Variants in RABGAP1 observed in about 807,000 individuals in gnomAD.
The protein encoded by RABGAP1 is RAB GTPase activating protein 1.
In RABGAP1, 23 loss-of-function variants were observed where a neutral mutation model predicts 137.6. The ratio of observed to expected loss-of-function variants is 0.17; its 90% confidence interval spans 0.12 to 0.24. The LOEUF (loss-of-function observed/expected upper bound fraction) is 0.24, where lower values mean the gene tolerates loss of function less well. Among genes scored for constraint, RABGAP1 ranks in the 10% least tolerant of loss-of-function variants. The pLI is 1.00. For missense variants in RABGAP1, 906 were observed against 1,275.8 expected, an observed-to-expected ratio of 0.71 and a Z score of 4.42; for synonymous variants, 451 against 450.7, an observed-to-expected ratio of 1.00 and a Z score of -0.01.
chr9:123,035,811 T>C (rs1309991819), intron 13 of RABGAP1: 2 of 502,496 alleles, frequency 4.0e-6, no homozygotes, highest in African/African-American at 1.9e-5. Flanking sequence ...CAAAAGTGCT[T>C]GTGAATTAGA....
chr9:122,960,002 G>T (rs530324436), intron 2 of RABGAP1, among the ~76,000 whole-genome samples: 1 of 152,184 alleles, frequency 6.6e-6, no homozygotes, highest in South Asian at 2.1e-4. Context: ...CCTTAAAGCA[G>T]CCTTCTTAAA....
Position 122,990,116 on chromosome 9 carries a change from CT to C in RABGAP1, c.829del (p.Ser277GlnfsTer20). 1.2e-6 allele frequency: 2 copies of C among 1,610,894 alleles called. No individual in the cohort carries two copies. The highest frequency in any genetic ancestry group is 1.3e-5 in the African/African-American group (1 of 74,960). Reference protein sequence around the residue: ...AFRRSAKQTPLSATAAPQTPD... With the variant: ...AFRRSAKQTPXSATAAPQTPD... ...CCGCCGTTCTGCCAAGCAGACCCCA[CT>C]TTCAGCCACTGCTGCACCCCAGACT... is the stretch of plus-strand genomic sequence containing the variant. On this transcript the variant is annotated frameshift_variant, in exon 6 of 26. Coordinates refer to ENST00000373647, the MANE Select transcript of RABGAP1 (RefSeq NM_012197.4). LOFTEE classifies it high-confidence loss of function.
rs559710894 is a variant in RABGAP1, at chr9:123,096,726, G to A, written c.2629-1015G>A. Among the ~76,000 whole-genome samples, 9 of 152,136 alleles carry A rather than the reference G, an allele frequency of 5.9e-5. No homozygotes were observed. The South Asian group carries it at 1.9e-3, about 32-fold the overall frequency. ...TGGGATTACAGGCGCCTGCCACCAC[G>A]CCCGGCTAATTTTTTGTATATTTTT... On this transcript the variant is annotated intron_variant, in intron 21 of 25. Coordinates refer to ENST00000373647, the MANE Select transcript of RABGAP1 (RefSeq NM_012197.4).
At chr9:123,074,544 T>C in intron 17 of RABGAP1, 116 bp downstream of exon 17, 1 of 1,170,844 alleles carries the variant, frequency 8.5e-7, no homozygotes, top group Non-Finnish European at 1.2e-6. Context: ...AATTATTTTA[T>C]TTTATTGCTA....
In RABGAP1 at chr9:123,035,244, C is replaced by T. The variant is rs776720363; in HGVS notation, c.1794+14785C>T. ...GCCAACAGCACACAAAGGATATCAG[C>T]GAAAGGCAAGCCCGCTTCAGCAGCC... is the stretch of plus-strand genomic sequence containing the variant. On this transcript the variant is annotated intron_variant, in intron 13 of 25. Transcript: ENST00000373647. The T allele has an allele frequency of 5.0e-6, 8 of 1,614,160 alleles. No homozygotes were observed. In the East Asian group the frequency reaches 6.7e-5, roughly 13 times the overall value.
chr9:123,051,409 G>C lies in RABGAP1; in HGVS notation c.1795-13939G>C, dbSNP rs142752127. On this transcript the variant is annotated intron_variant, in intron 13 of 25. Transcript: ENST00000373647. ...ATTACAGGCATGTGCCACCACGGCT[G>C]GCTAATTTTGTATTTTTAGTAGAGA... Among the ~76,000 whole-genome samples the C allele has an allele frequency of 8.9e-3, 1,342 of 151,504 alleles. 17 individuals are homozygous for C. The highest frequency in any genetic ancestry group is 0.031 in the African/African-American group (1,268 of 41,322).
At chr9:122,999,071 C>CT (rs1224382797) in intron 10 of RABGAP1, among the ~76,000 whole-genome samples, 1 of 152,120 alleles carries the variant, frequency 6.6e-6, no homozygotes, top group Non-Finnish European at 1.5e-5. Context: ...CTGTTTTTGG[C>CT]TTTCATCCCA....
rs527486379 is a variant in RABGAP1, at chr9:122,991,125, G to C, written c.923+912G>C. On this transcript the variant is annotated intron_variant, in intron 6 of 25. Coordinates refer to ENST00000373647, the MANE Select transcript of RABGAP1 (RefSeq NM_012197.4). ...GAATAGAAGTCAAAACTTAGCTTTA[G>C]TTTAATTATTGTTACTATTAACAGT... 3.6e-4 allele frequency among the ~76,000 whole-genome samples: 55 copies of C among 151,836 alleles called. No homozygotes were observed. The South Asian group carries it at 0.011, about 30-fold the overall frequency.
At chr9:122,935,320 T>A in the RABGAP1 span, among the ~76,000 whole-genome samples, 15 of 152,212 alleles carry the variant, frequency 9.9e-5, no homozygotes, top group African/African-American at 3.6e-4. Flanking sequence ...AGATAACATT[T>A]TATACATTGT....
chr9:123,090,615 C>A (rs2035005964), intron 21 of RABGAP1, among the ~76,000 whole-genome samples: 1 of 152,218 alleles, frequency 6.6e-6, no homozygotes, highest in Non-Finnish European at 1.5e-5. Context: ...AATCCTTGAG[C>A]TTCTTTCCCA....
chr9:122,964,616 A>T (rs559376526), intron 2 of RABGAP1, among the ~76,000 whole-genome samples: 1 of 152,324 alleles, frequency 6.6e-6, no homozygotes, highest in Admixed American at 6.5e-5. Context: ...AGGTAAAATC[A>T]TACTTGATGG....
At chr9:123,097,428 T>G (rs1051044967) in intron 21 of RABGAP1, among the ~76,000 whole-genome samples, 1 of 152,200 alleles carries the variant, frequency 6.6e-6, no homozygotes, top group African/African-American at 2.4e-5. Context: ...ATCCCTCAGA[T>G]GAAGAGCCGG....
intron 13 of RABGAP1, among the ~76,000 whole-genome samples, chr9:123,044,808 G>A (rs1331347774): frequency 1.3e-5 from 2 of 152,096 alleles, no homozygotes; most frequent in Admixed American, 6.6e-5. Context: ...GTGAGAGATG[G>A]GCTAGGCTCA....
At position 123,032,069 on chromosome 9, in the gene RABGAP1, A is replaced by G. The variant is rs140280399; in HGVS notation, c.1794+11610A>G. Among the ~76,000 whole-genome samples, 991 of 152,340 alleles carry G rather than the reference A, an allele frequency of 6.5e-3. 44 individuals carry two copies. Among genetic ancestry groups the G allele is most frequent in the Admixed American group, 0.057 (874 of 15,300 alleles). ...GTATGACCTAGAACTGTATAGCCTCAGTAAGAGCAGGCCCTTCAGGATTCA... is the reference window on the plus strand; with the variant it reads ...GTATGACCTAGAACTGTATAGCCTCGGTAAGAGCAGGCCCTTCAGGATTCA... On this transcript the variant is annotated intron_variant, in intron 13 of 25. Transcript: ENST00000373647.
chr9:123,039,372 A>G (rs147041284), intron 13 of RABGAP1, among the ~76,000 whole-genome samples: 1 of 152,280 alleles, frequency 6.6e-6, no homozygotes, highest in Non-Finnish European at 1.5e-5. Flanking sequence ...CTTTATCCCC[A>G]CAATCTGACC....
At chr9:122,945,053 C>T (rs1057332494) in intron 1 of RABGAP1, among the ~76,000 whole-genome samples, 5 of 147,946 alleles carry the variant, frequency 3.4e-5, no homozygotes, top group African/African-American at 1.2e-4. Flanking sequence ...ACTGAGTTTA[C>T]ATAGTTAGAT....
chr9:122,990,172 G>C lies in RABGAP1; in HGVS notation c.882G>C (p.Val294=), dbSNP rs745422327. Residue 294 remains valine (V), a synonymous_variant, in exon 6 of 26, where the codon GTG becomes GTC. Transcript: ENST00000373647. ...ACAGTGACATCTTTACCTTCTCTGT[G>C]TCTTTAGAAATAAAAGAAGATGATG... is the stretch of plus-strand genomic sequence containing the variant. ...TPDSDIFTFS[V]SLEIKEDDGK... is the part of the protein sequence containing the mutation. The C allele has an allele frequency of 6.2e-7, 1 of 1,610,736 alleles. No homozygotes were observed. The highest frequency in any genetic ancestry group is 8.5e-7 in the Non-Finnish European group (1 of 1,177,456).
intron 6 of RABGAP1, 183 bp downstream of exon 6, chr9:122,990,396 G>C (rs1588224962): frequency 4.4e-6 from 2 of 454,918 alleles, no homozygotes; most frequent in Non-Finnish European, 3.6e-6. Flanking sequence ...GAATTTTAAA[G>C]CAATTAAAAA....
intron 13 of RABGAP1, among the ~76,000 whole-genome samples, chr9:123,063,522 A>T (rs1000165625): frequency 4.6e-5 from 7 of 152,264 alleles, no homozygotes; most frequent in Non-Finnish European, 1.5e-5. Context: ...TGCATTGTAT[A>T]GGAGTTCCAG....
Sources: gnomAD v4.1 joint callset for allele counts (sites outside exome capture counted in the v4.1 genomes callset) on GRCh38, gnomAD v4.1.1 for gene constraint, MANE v1.5 for transcripts, NCBI Gene and HGNC (gene_info 2026-07-23, HGNC 2026-07-21) for gene names.